The following TET2 variants were observed in gnomAD, a reference collection of about 807,000 sequenced individuals.
The protein encoded by TET2 is tet methylcytosine dioxygenase 2.
In TET2, 299 loss-of-function variants were observed where a neutral mutation model predicts 142.9. The ratio of observed to expected loss-of-function variants is 2.09; its 90% CI spans 1.90 to 2.30. The LOEUF is 2.30. TET2 is among the 30% of genes most tolerant of loss of function. The pLI is 0.00. For synonymous variants in TET2, 819 were observed against 849.0 expected (o/e 0.96, Z 0.61); for missense variants, 2,418 against 2,378.0 (o/e 1.02, Z -0.35).
intron 1 of TET2, among the ~76,000 whole-genome samples, chr4:105,187,710 T>C (rs1378243191): frequency 6.6e-6 from 1 of 152,234 alleles, no homozygotes; most frequent in African/African-American, 2.4e-5. Context: ...TTTATTTCAT[T>C]TATTCTGCCA....
At chr4:105,239,092 T>G (rs1353538798) in intron 3 of TET2, 1 of 241,800 alleles carries the variant, frequency 4.1e-6, no homozygotes, top group Non-Finnish European at 8.7e-6. Context: ...TTTTTGTTTT[T>G]TAGCAGTAAG....
Position 105,259,733 on chromosome 4 carries a change from A to C in TET2, c.3918A>C (p.Pro1306=). 6.4e-7 allele frequency: 1 copy of C among 1,550,992 alleles called. No homozygotes were observed. ...NGCKFARSKI[P]RKFKLLGDDP... The stretch of plus-strand genomic sequence containing the variant: ...GTAAGTTTGCCAGAAGCAAGATCCC[A>C]AGGAAGTTTAAGCTGCTTGGGGATG... Residue 1306 remains proline, a synonymous_variant, in exon 7 of 11, where the codon CCA becomes CCC. Coordinates refer to ENST00000380013, the MANE Select transcript of TET2 (RefSeq NM_001127208.3).
In TET2 at chr4:105,237,289, T is replaced by TA. The variant is rs748419340; in HGVS notation, c.3353dup (p.Asn1118LysfsTer12). 2.5e-6 allele frequency: 4 copies of TA among 1,614,042 alleles called. No homozygotes were observed. Among genetic ancestry groups the TA allele is most frequent in the Non-Finnish European group, 3.4e-6 (4 of 1,179,990 alleles). ...CCTTCCAAATTACTAGATACTCCTA[T>TA]AAAAAATTTATTGGATACACCTGTC... is the stretch of plus-strand genomic sequence containing the variant. On this transcript the variant is annotated frameshift_variant, in exon 3 of 11. Coordinates refer to ENST00000380013, the MANE Select transcript of TET2 (RefSeq NM_001127208.3). LOFTEE classifies it high-confidence loss of function.
At chr4:105,274,004 T>C (rs905013514) in intron 10 of TET2, among the ~76,000 whole-genome samples, 3 of 152,218 alleles carry the variant, frequency 2.0e-5, no homozygotes, top group Non-Finnish European at 2.9e-5. Context: ...TGCTGCTTCA[T>C]GAAGTCAAAT....
At chr4:105,151,674 C>CAATAAA (rs748184270) in intron 1 of TET2, among the ~76,000 whole-genome samples, 1 of 151,406 alleles carries the variant, frequency 6.6e-6, no homozygotes. Context: ...TGTCTCTATT[C>CAATAAA]AATAAAAATA....
At position 105,224,684 on chromosome 4, in the gene TET2, GTCTCTCTCTCTCTCTCTC is replaced by G. The variant is rs34870510; in HGVS notation, c.-46-9187_-46-9170del. Among the ~76,000 whole-genome samples, 87 of 108,150 alleles carry G rather than the reference GTCTCTCTCTCTCTCTCTC, an allele frequency of 8.0e-4. 1 individual carries two copies. The South Asian group carries it at 0.022, about 28-fold the overall frequency. The allele number at this position is 108,150 out of a possible 152,430, so 71.0% of individuals were successfully genotyped here. A position where few individuals can be genotyped will look rare whatever the true frequency, so the allele number is the denominator to read the frequency against. ...GTTAACATAATTGACATATCAGCCA[GTCTCTCTCTCTCTCTCTC>G]TCTCTCTCTCTCTCTCTCTCTCTCT... On this transcript the variant is annotated intron_variant, in intron 2 of 10. Coordinates refer to ENST00000380013, the MANE Select transcript of TET2 (RefSeq NM_001127208.3).
rs116941191 is a variant in TET2, at chr4:105,174,903, A to G, written c.-192-15457A>G. On this transcript the variant is annotated intron_variant, in intron 1 of 10. Transcript: ENST00000380013. ...AGTGTAACCTCCCAAAGGGAAGGGA[A>G]ATACCTAAGTTCAGCCCCCTTTTAG... Among the ~76,000 whole-genome samples, 700 of 152,318 alleles carry G rather than the reference A, an allele frequency of 4.6e-3. 2 individuals carry two copies. Among genetic ancestry groups the G allele is most frequent in the East Asian group, 0.023 (120 of 5,190 alleles).
intron 1 of TET2, among the ~76,000 whole-genome samples, chr4:105,168,719 CTT>C (rs757269862): frequency 6.6e-6 from 1 of 152,106 alleles, no homozygotes; most frequent in Admixed American, 6.5e-5. Flanking sequence ...TATTCGTAGT[CTT>C]TTATTCCTCA....
intron 3 of TET2, 112 bp from the exon 4 acceptor site, chr4:105,241,227 A>T (rs1466115605): frequency 3.0e-6 from 4 of 1,346,000 alleles, no homozygotes; most frequent in Middle Eastern, 2.4e-4. Flanking sequence ...AAAAAATTTT[A>T]AAGTCACTTT....
In TET2 at chr4:105,274,964, CA is replaced by C. The variant is rs1230322438; in HGVS notation, c.4538-83del. 2.1e-6 allele frequency: 3 copies of C among 1,441,438 alleles called. No individual in the cohort carries two copies. In the Admixed American group the frequency reaches 8.7e-5, roughly 42 times the overall value. 89.3% of individuals were successfully genotyped at this position (1,441,438 alleles called of 1,614,324 possible). On this transcript the variant is annotated intron_variant, in intron 10 of 10. Coordinates refer to ENST00000380013, the MANE Select transcript of TET2 (RefSeq NM_001127208.3). ...TATCACTAGTGGAGTTTCTTACCTACATTTAAGTATCCTCACTAGCCTTCAT... is the reference window on the plus strand; with the variant it reads ...TATCACTAGTGGAGTTTCTTACCTACTTTAAGTATCCTCACTAGCCTTCAT...
intron 1 of TET2, among the ~76,000 whole-genome samples, chr4:105,156,319 C>T (rs373040787): frequency 6.6e-6 from 1 of 152,150 alleles, no homozygotes; most frequent in East Asian, 1.9e-4. Flanking sequence ...CTACTCTCTT[C>T]AAAGGGAATT....
intron 1 of TET2, among the ~76,000 whole-genome samples, chr4:105,155,802 A>T (rs1490693069): frequency 1.3e-5 from 2 of 152,202 alleles, no homozygotes; most frequent in Non-Finnish European, 2.9e-5. Context: ...TATTGGCTTT[A>T]TATAATTGTT....
chr4:105,204,834 A>AT (rs974005157), intron 2 of TET2, among the ~76,000 whole-genome samples: 2 of 152,054 alleles, frequency 1.3e-5, no homozygotes, highest in African/African-American at 4.8e-5. Context: ...TAGTGTATGT[A>AT]TTTTTTTAAA....
At chr4:105,261,556 GA>G (rs200224178) in intron 7 of TET2, among the ~76,000 whole-genome samples, 3 of 151,612 alleles carry the variant, frequency 2.0e-5, no homozygotes, top group East Asian at 1.9e-4. Flanking sequence ...TCAATCTTAT[GA>G]AAAAAACAAA....
rs1261095874 is a variant in TET2, at chr4:105,276,307, GA to G, written c.5801del (p.Lys1934SerfsTer16). On this transcript the variant is annotated frameshift_variant, in exon 11 of 11. Coordinates refer to ENST00000380013, the MANE Select transcript of TET2 (RefSeq NM_001127208.3). LOFTEE classifies it high-confidence loss of function. Reference protein sequence around the residue: ...EKAREKEEECEKYGPDYVPQK... With the variant: ...EKAREKEEECXKYGPDYVPQK... ...AGCCCGTGAGAAAGAGGAAGAGTGT[GA>G]AAAGTATGGCCCAGACTATGTGCCT... 6.4e-7 allele frequency: 1 copy of G among 1,551,654 alleles called. No individual in the cohort carries two copies. The highest frequency in any genetic ancestry group is 8.7e-7 in the Non-Finnish European group (1 of 1,146,960).
At chr4:105,172,862 T>G (rs1724554812) in intron 1 of TET2, among the ~76,000 whole-genome samples, 1 of 152,214 alleles carries the variant, frequency 6.6e-6, no homozygotes, top group African/African-American at 2.4e-5. Flanking sequence ...GAAAGAGTAT[T>G]CATCAGAAGT....
chr4:105,227,925 T>C (rs1004979868), intron 2 of TET2, among the ~76,000 whole-genome samples: 10 of 152,178 alleles, frequency 6.6e-5, no homozygotes, highest in Admixed American at 1.3e-4. Flanking sequence ...ATTGACTTCA[T>C]GTAGACTTTT....
chr4:105,190,144 G>A (rs1725699212), intron 1 of TET2, among the ~76,000 whole-genome samples: 1 of 152,096 alleles, frequency 6.6e-6, no homozygotes, highest in Admixed American at 6.5e-5. Context: ...AGATGCTTTG[G>A]GCATGGCAAA....
Position 105,235,383 on chromosome 4 carries a change from C to T in TET2, c.1441C>T (p.Gln481Ter), listed in dbSNP as rs1340173182. Residue 481 changes from glutamine (Q) to a stop codon, truncating the protein, a stop_gained, in exon 3 of 11, where the codon CAG becomes TAG. Coordinates refer to ENST00000380013, the MANE Select transcript of TET2 (RefSeq NM_001127208.3). LOFTEE classifies it high-confidence loss of function. ...TTCTCCGATGCTTTCTGAAAGGCCT[C>T]AGAATAATTGTGTGAACAGGAATGA... ...SPSPMLSERP[Q>*]NNCVNRNDIQ... 2 of 1,614,150 alleles carry T rather than the reference C, an allele frequency of 1.2e-6. No individual in the cohort carries two copies. Among genetic ancestry groups the T allele is most frequent in the Non-Finnish European group, 1.7e-6 (2 of 1,180,014 alleles).
Sources: allele counts gnomAD v4.1 joint callset (sites outside exome capture counted in the v4.1 genomes callset), GRCh38; gene constraint gnomAD v4.1.1; transcripts MANE v1.5; gene names NCBI Gene and HGNC (gene_info 2026-07-23, HGNC 2026-07-21).